The following NRXN1 variants were observed in gnomAD, a reference collection of about 807,000 sequenced individuals.
NRXN1 encodes the protein neurexin-1.
In NRXN1, 39 loss-of-function variants were observed where a neutral mutation model predicts 150.9. The ratio of observed to expected loss-of-function variants is 0.26; its 90% CI spans 0.20 to 0.34. The LOEUF is 0.34. Ranked by LOEUF, NRXN1 falls within the 10% of genes least tolerant of loss-of-function variation. The pLI, the probability that NRXN1 is intolerant of heterozygous loss-of-function variation, is 1.00. For missense variants in NRXN1, 1,815 were observed against 1,949.9 expected, an observed-to-expected ratio of 0.93 and a Z score of 1.30; for synonymous variants, 924 against 757.0, an observed-to-expected ratio of 1.22 and a Z score of -3.62.
chr2:50,230,456 A>C (rs2064831900), intron 18 of NRXN1, among the ~76,000 whole-genome samples: 1 of 152,050 alleles, frequency 6.6e-6, no homozygotes, highest in Admixed American at 6.6e-5. Flanking sequence ...AATGTGTTTT[A>C]ACAAAGGAAT....
chr2:50,876,406 C>T (rs551206663), intron 5 of NRXN1, among the ~76,000 whole-genome samples: 1 of 151,812 alleles, frequency 6.6e-6, no homozygotes, highest in African/African-American at 2.4e-5. Flanking sequence ...CAATTATTTA[C>T]AACTAAAATG....
At chr2:51,010,294 G>C (rs1667642432) in intron 2 of NRXN1, among the ~76,000 whole-genome samples, 1 of 151,812 alleles carries the variant, frequency 6.6e-6, no homozygotes, top group African/African-American at 2.4e-5. Flanking sequence ...CAAAACACCT[G>C]GTCTTTACAG....
chr2:50,812,656 TA>T lies in NRXN1; in HGVS notation c.832+109212del, dbSNP rs764930892. 1.4e-3 allele frequency among the ~76,000 whole-genome samples: 217 copies of T among 151,396 alleles called. 1 individual carries two copies. Among genetic ancestry groups the T allele is most frequent in the Non-Finnish European group, 2.4e-3 (160 of 67,852 alleles). On this transcript the variant is annotated intron_variant, in intron 5 of 22. Transcript: ENST00000401669. ...ACATATACTTTCATTTGGCTATATATAAAATATATATACATAATATATAGAA... is the reference window on the plus strand; with the variant it reads ...ACATATACTTTCATTTGGCTATATATAAATATATATACATAATATATAGAA...
intron 2 of NRXN1, among the ~76,000 whole-genome samples, chr2:50,944,851 T>G (rs1164525517): frequency 1.3e-5 from 2 of 152,200 alleles, no homozygotes; most frequent in Non-Finnish European, 2.9e-5. Flanking sequence ...GCACTGTGTG[T>G]GCTAAAATCT....
intron 17 of NRXN1, among the ~76,000 whole-genome samples, chr2:50,256,434 T>G (rs532268847): frequency 9.9e-5 from 15 of 152,268 alleles, no homozygotes; most frequent in Non-Finnish European, 4.4e-5. Context: ...TTAAAAAGCC[T>G]GAGGAGAAAG....
At chr2:50,590,312 C>T (rs1162019531) in intron 8 of NRXN1, among the ~76,000 whole-genome samples, 2 of 151,990 alleles carry the variant, frequency 1.3e-5, no homozygotes, top group East Asian at 1.9e-4. Flanking sequence ...TATATATATA[C>T]ATATACATAC....
chr2:50,941,662 CA>C (rs1689466121), intron 2 of NRXN1, among the ~76,000 whole-genome samples: 1 of 152,112 alleles, frequency 6.6e-6, no homozygotes, highest in South Asian at 2.1e-4. Context: ...AATTTCTAAG[CA>C]ACAAAGCATT....
At chr2:50,549,809 C>T (rs2105326773) in intron 9 of NRXN1, among the ~76,000 whole-genome samples, 1 of 152,186 alleles carries the variant, frequency 6.6e-6, no homozygotes, top group African/African-American at 2.4e-5. Flanking sequence ...AATACTTTCT[C>T]CTTATAATAA....
chr2:50,315,318 T>C (rs2075512514), intron 17 of NRXN1, among the ~76,000 whole-genome samples: 5 of 152,228 alleles, frequency 3.3e-5, no homozygotes, highest in Admixed American at 3.3e-4. Flanking sequence ...TAAAATTACT[T>C]CCCTGCTATG....
chr2:49,940,882 C>A (rs1671862302), intron 22 of NRXN1, among the ~76,000 whole-genome samples: 1 of 152,036 alleles, frequency 6.6e-6, no homozygotes, highest in Non-Finnish European at 1.5e-5. Context: ...CCCATTAACA[C>A]AAAATAATCT....
At chr2:50,325,834 T>A (rs2076350924) in intron 17 of NRXN1, among the ~76,000 whole-genome samples, 1 of 152,216 alleles carries the variant, frequency 6.6e-6, no homozygotes, top group African/African-American at 2.4e-5. Flanking sequence ...TAAAAATTAA[T>A]CTGATAACAT....
At chr2:50,595,404 T>A (rs893922938) in intron 8 of NRXN1, among the ~76,000 whole-genome samples, 1 of 146,338 alleles carries the variant, frequency 6.8e-6, no homozygotes, top group East Asian at 2.0e-4. Flanking sequence ...TTATGATTTA[T>A]GGGCCAGGGT....
intron 5 of NRXN1, among the ~76,000 whole-genome samples, chr2:50,793,625 G>C (rs1418687545): frequency 6.6e-6 from 1 of 152,072 alleles, no homozygotes; most frequent in African/African-American, 2.4e-5. Flanking sequence ...TACAGAAAGA[G>C]GCAGCTGAAG....
chr2:50,828,502 C>A (rs1243233074), intron 5 of NRXN1, among the ~76,000 whole-genome samples: 6 of 147,728 alleles, frequency 4.1e-5, no homozygotes, highest in Admixed American at 2.0e-4. Flanking sequence ...GGGTCTCCTC[C>A]CTTCTCAGAC....
At chr2:50,269,115 G>A (rs991216134) in intron 17 of NRXN1, among the ~76,000 whole-genome samples, 6 of 151,972 alleles carry the variant, frequency 3.9e-5, no homozygotes, top group Non-Finnish European at 7.3e-5. Flanking sequence ...ACTTAGACAG[G>A]GAAAGTGCCT....
chr2:50,735,905 G>C (rs1053999076), intron 5 of NRXN1, among the ~76,000 whole-genome samples: 1 of 152,102 alleles, frequency 6.6e-6, no homozygotes, highest in Non-Finnish European at 1.5e-5. Flanking sequence ...CATTATGATA[G>C]CAACTACTGC....
chr2:50,558,500 T>C (rs1047301438), intron 8 of NRXN1, among the ~76,000 whole-genome samples: 4 of 152,208 alleles, frequency 2.6e-5, no homozygotes, highest in African/African-American at 9.7e-5. Context: ...AAAATATCTC[T>C]AAGTGAATCA....
chr2:50,320,283 C>CTTATACAT (rs1178411507), intron 17 of NRXN1, among the ~76,000 whole-genome samples: 1,106 of 42,824 alleles, frequency 0.026, 24 homozygotes, highest in East Asian at 0.038. Context: ...ATACCTCAAT[C>CTTATACAT]ATATATATAT....
chr2:50,604,869 A>G (rs1676847896), intron 8 of NRXN1, among the ~76,000 whole-genome samples: 1 of 152,196 alleles, frequency 6.6e-6, no homozygotes. Context: ...AATCTCTACC[A>G]TCACAAAAAT....
Sources: gnomAD v4.1 joint callset for allele counts (sites outside exome capture counted in the v4.1 genomes callset) on GRCh38, gnomAD v4.1.1 for gene constraint, MANE v1.5 for transcripts, NCBI Gene and HGNC (gene_info 2026-07-23, HGNC 2026-07-21) for gene names.